Variants in THSD7B observed in about 807,000 individuals in gnomAD.
THSD7B encodes the protein thrombospondin type 1 domain containing 7B, also known as thrombospondin type-1 domain-containing protein 7B.
A neutral mutation model predicts 213.6 loss-of-function variants in THSD7B; 138 were observed. That is an observed-to-expected ratio of 0.65 (90% CI 0.56 to 0.74). The LOEUF (loss-of-function observed/expected upper bound fraction) is 0.74. Ranked by LOEUF, THSD7B falls within the 30% of genes least tolerant of loss-of-function variation. The pLI is 0.00. For synonymous variants in THSD7B, 742 were observed against 687.0 expected, an observed-to-expected ratio of 1.08 and a Z score of -1.25; for missense variants, 1,931 against 1,991.5, an observed-to-expected ratio of 0.97 and a Z score of 0.58.
intron 12 of THSD7B, among the ~76,000 whole-genome samples, chr2:137,290,255 A>G (rs1443748169): frequency 6.6e-6 from 1 of 151,746 alleles, no homozygotes; most frequent in Non-Finnish European, 1.5e-5. Context: ...ATGCCCGGCT[A>G]ATTTTTTGTA....
In THSD7B at chr2:137,610,412, C is replaced by T. The variant is rs533640566; in HGVS notation, c.3424-5763C>T. The stretch of plus-strand genomic sequence containing the variant: ...AAAAGCCCCAGGGCATTAGCAGGGG[C>T]GAGTTGAAATATAGTTAGTGGAATG... On this transcript the variant is annotated intron_variant, in intron 17 of 27. Coordinates refer to ENST00000409968, the MANE Select transcript of THSD7B (RefSeq NM_001316349.2). 9.2e-5 allele frequency among the ~76,000 whole-genome samples: 14 copies of T among 152,140 alleles called. No homozygotes were observed. In the East Asian group the frequency reaches 1.2e-3, roughly 13 times the overall value.
intron 2 of THSD7B, among the ~76,000 whole-genome samples, chr2:137,005,747 C>CGTGTT (rs1278001662): frequency 1.3e-5 from 2 of 152,034 alleles, no homozygotes; most frequent in Non-Finnish European, 2.9e-5. Flanking sequence ...ATAGCAGAAT[C>CGTGTT]GTGTTGTATT....
chr2:136,884,063 A>G (rs1683672218), intron 2 of THSD7B, among the ~76,000 whole-genome samples: 1 of 152,250 alleles, frequency 6.6e-6, no homozygotes, highest in Non-Finnish European at 1.5e-5. Flanking sequence ...TCTCTTTTGT[A>G]TCCTTCAGAA....
intron 12 of THSD7B, among the ~76,000 whole-genome samples, chr2:137,295,170 A>G (rs1049060715): frequency 6.6e-6 from 1 of 152,162 alleles, no homozygotes; most frequent in East Asian, 1.9e-4. Flanking sequence ...TTATTATAGA[A>G]CAACAACAAG....
chr2:137,376,148 C>T (rs1204128494), intron 12 of THSD7B, among the ~76,000 whole-genome samples: 1 of 152,076 alleles, frequency 6.6e-6, no homozygotes, highest in East Asian at 1.9e-4. Flanking sequence ...CTTCTAAATT[C>T]GGGTTTTACA....
chr2:136,851,933 C>CTATA (rs35929047), intron 1 of THSD7B, among the ~76,000 whole-genome samples: 11,745 of 147,518 alleles, frequency 0.08, 669 homozygotes, highest in East Asian at 0.2. Context: ...CAATACACAA[C>CTATA]TATATATATA....
chr2:137,325,704 GA>G (rs1379159249), intron 12 of THSD7B, among the ~76,000 whole-genome samples: 1 of 152,168 alleles, frequency 6.6e-6, no homozygotes, highest in African/African-American at 2.4e-5. Context: ...TATTATATTT[GA>G]AGAATGTAAT....
chr2:136,852,564 G>A lies in THSD7B; in HGVS notation c.-35-29580G>A, dbSNP rs145181718. ...ACTTGACCTACAAAAATTGTTAGAT[G>A]ATGAGTATTGTTTTAAGCTGCTAAG... On this transcript the variant is annotated intron_variant, in intron 1 of 27. Coordinates refer to ENST00000409968, the MANE Select transcript of THSD7B (RefSeq NM_001316349.2). 2.9e-4 allele frequency among the ~76,000 whole-genome samples: 44 copies of A among 152,236 alleles called. No individual in the cohort carries two copies. In the East Asian group the frequency reaches 8.3e-3, roughly 29 times the overall value.
chr2:137,286,427 G>A (rs940187948), intron 12 of THSD7B, among the ~76,000 whole-genome samples: 14 of 152,102 alleles, frequency 9.2e-5, no homozygotes, highest in African/African-American at 2.9e-4. Flanking sequence ...CAATCAGCAC[G>A]TTGTGTTCTT....
intron 14 of THSD7B, among the ~76,000 whole-genome samples, chr2:137,439,650 C>T (rs1315766750): frequency 3.3e-5 from 5 of 152,086 alleles, no homozygotes; most frequent in Non-Finnish European, 2.9e-5. Flanking sequence ...TTTAATTTTA[C>T]ACCTTGGTGA....
At chr2:137,208,434 T>C (rs1159638454) in intron 7 of THSD7B, among the ~76,000 whole-genome samples, 1 of 95,796 alleles carries the variant, frequency 1.0e-5, no homozygotes, top group Admixed American at 9.2e-5. Flanking sequence ...CTGTTAAGAA[T>C]TCCTTTTTAT....
intron 2 of THSD7B, among the ~76,000 whole-genome samples, chr2:136,888,844 A>G (rs2104997705): frequency 6.6e-6 from 1 of 152,306 alleles, no homozygotes; most frequent in East Asian, 1.9e-4. Context: ...ATTCACCAAT[A>G]TACTCCAAGT....
intron 12 of THSD7B, among the ~76,000 whole-genome samples, chr2:137,302,114 G>T (rs1013080907): frequency 6.6e-6 from 1 of 152,044 alleles, no homozygotes; most frequent in Admixed American, 6.6e-5. Flanking sequence ...CCCTATAAAT[G>T]TTATGAGGGA....
rs1275418662 is a variant in THSD7B, at chr2:137,667,822, T to C, written c.4700T>C (p.Leu1567Pro). ...TATGGCGTTTCAGGTGGCGCTTTTC[T>C]CATCATGATTTTCCTAATATTTACT... ...WVYGVSGGAF[L>P]IMIFLIFTSY... Residue 1567 changes from leucine (L) to proline (P), a missense_variant, in exon 27 of 28, where the codon CTC becomes CCC. By Grantham distance (98) the Leu-to-Pro change is moderately conservative. Coordinates refer to ENST00000409968, the MANE Select transcript of THSD7B (RefSeq NM_001316349.2). 6.2e-7 allele frequency: 1 copy of C among 1,604,688 alleles called. No individual in the cohort carries two copies. The highest frequency in any genetic ancestry group is 8.5e-7 in the Non-Finnish European group (1 of 1,174,866).
rs758750294 is a variant in THSD7B, at chr2:137,618,444, G to C, written c.3618G>C (p.Arg1206Ser). ...SENAPCGQGV[R>S]TRLLSCVCSD... ...ACGCACCCTGTGGTCAAGGCGTCAG[G>C]ACCCGCCTGCTAAGCTGTGTGTGCA... The change falls in exon 19 of 28, where the codon AGG (arginine) becomes AGC (serine). Residue 1206 changes from arginine to serine, a missense_variant. Coordinates refer to ENST00000409968, the MANE Select transcript of THSD7B (RefSeq NM_001316349.2). 3 of 1,613,744 alleles carry C rather than the reference G, an allele frequency of 1.9e-6. No homozygotes were observed.
intron 7 of THSD7B, among the ~76,000 whole-genome samples, chr2:137,176,052 T>A (rs1480567014): frequency 6.6e-6 from 1 of 152,218 alleles, no homozygotes; most frequent in African/African-American, 2.4e-5. Flanking sequence ...TTTTTGCTTT[T>A]GCTTATAAGA....
intron 15 of THSD7B, among the ~76,000 whole-genome samples, chr2:137,460,029 C>T (rs1223982704): frequency 6.6e-6 from 1 of 152,152 alleles, no homozygotes; most frequent in Non-Finnish European, 1.5e-5. Flanking sequence ...GTTGACTTAG[C>T]CTACCCTTTC....
chr2:137,292,291 T>A (rs993797952), intron 12 of THSD7B, among the ~76,000 whole-genome samples: 5 of 152,190 alleles, frequency 3.3e-5, no homozygotes, highest in Non-Finnish European at 7.3e-5. Context: ...GGAGTAGTGC[T>A]AAACACTTTT....
chr2:137,403,089 A>T (rs1686410256), intron 12 of THSD7B, among the ~76,000 whole-genome samples: 1 of 152,152 alleles, frequency 6.6e-6, no homozygotes, highest in African/African-American at 2.4e-5. Flanking sequence ...TGTTGGCTTG[A>T]TGTGTGATGG....
Sources: gnomAD v4.1 joint callset for allele counts (sites outside exome capture counted in the v4.1 genomes callset) on GRCh38, gnomAD v4.1.1 for gene constraint, MANE v1.5 for transcripts, NCBI Gene and HGNC (gene_info 2026-07-23, HGNC 2026-07-21) for gene names.